The following PARD3 variants were observed in gnomAD, a reference collection of about 807,000 sequenced individuals.
The protein encoded by PARD3 is par-3 family cell polarity regulator.
In PARD3, 75 loss-of-function variants were observed where a neutral mutation model predicts 155.4. The observed-to-expected ratio is 0.48, with a 90% CI of 0.40 to 0.58. The LOEUF (loss-of-function observed/expected upper bound fraction) is 0.58, where lower values mean the gene tolerates loss of function less well. PARD3 is among the 20% of genes least tolerant of loss of function. The pLI, the probability that PARD3 is intolerant of heterozygous loss-of-function variation, is 0.00. For missense variants in PARD3, 1,642 were observed against 1,721.7 expected (o/e 0.95, Z 0.82); for synonymous variants, 576 against 610.5 (o/e 0.94, Z 0.83).
chr10:34,417,003 T>C (rs980343621), intron 5 of PARD3, among the ~76,000 whole-genome samples: 3 of 152,162 alleles, frequency 2.0e-5, no homozygotes, highest in African/African-American at 7.2e-5. Flanking sequence ...AGGGGACCCC[T>C]TACTCATAAC....
intron 22 of PARD3, among the ~76,000 whole-genome samples, chr10:34,187,634 A>G (rs1033445085): frequency 6.6e-6 from 1 of 152,246 alleles, no homozygotes; most frequent in Admixed American, 6.5e-5. Context: ...AGCCCCTAAA[A>G]TGTTTTACAC....
intron 19 of PARD3, among the ~76,000 whole-genome samples, chr10:34,324,788 T>G (rs1958585317): frequency 6.6e-6 from 1 of 152,136 alleles, no homozygotes; most frequent in Non-Finnish European, 1.5e-5. Flanking sequence ...ATCATCCATC[T>G]TTGTGTGAGA....
chr10:34,444,547 A>G (rs1039459265), intron 5 of PARD3, among the ~76,000 whole-genome samples: 1 of 152,206 alleles, frequency 6.6e-6, no homozygotes, highest in African/African-American at 2.4e-5. Context: ...TTTCAGAAGC[A>G]TAACTTGTGA....
chr10:34,461,079 G>A (rs1442569702), intron 4 of PARD3, among the ~76,000 whole-genome samples: 2 of 152,060 alleles, frequency 1.3e-5, no homozygotes, highest in Admixed American at 6.6e-5. Context: ...AACACTGACT[G>A]GAACACATTT....
At chr10:34,314,160 T>A (rs1957859003) in intron 20 of PARD3, among the ~76,000 whole-genome samples, 1 of 151,678 alleles carries the variant, frequency 6.6e-6, no homozygotes. Flanking sequence ...GACCAATTTT[T>A]AAATCTTACT....
rs189208463 is a variant in PARD3 at position 34,788,144 on chromosome 10, C to T, written c.120+26732G>A. On this transcript the variant is annotated intron_variant, in intron 1 of 24. Coordinates refer to ENST00000374788, the MANE Select transcript of PARD3 (RefSeq NM_001184785.2). ...CTCATGCAAGGGTCTTACAAGACCA[C>T]GTGGACAGATAGGAAGTTATCTAGA... Among the ~76,000 whole-genome samples, 3 of 152,036 alleles carry T rather than the reference C, an allele frequency of 2.0e-5. No homozygotes were observed. In the East Asian group the frequency reaches 5.8e-4, roughly 29 times the overall value.
At position 34,119,667 on chromosome 10, in the gene PARD3, T is replaced by C. The variant is rs559895727; in HGVS notation, c.3614A>G (p.Gln1205Arg). Residue 1205 changes from glutamine to arginine, a missense_variant, in exon 24 of 25, where the codon CAG becomes CGG. Physicochemically the swap from Gln to Arg is conservative, Grantham distance 43 (BLOSUM62 1). Coordinates refer to ENST00000374788, the MANE Select transcript of PARD3 (RefSeq NM_001184785.2). Reference protein sequence around the residue: ...SVEVQMQRQRQEERESSQQAQ... With the variant: ...SVEVQMQRQRREERESSQQAQ... ...CTGCTGGGAGCTCTCGCGCTCCTCC[T>C]GCCGCTGCCGCTGCATCTGCACCTC... The C allele has an allele frequency of 6.2e-7, 1 of 1,612,034 alleles. No homozygotes were observed.
intron 24 of PARD3, among the ~76,000 whole-genome samples, chr10:34,112,835 T>C (rs1002310842): frequency 3.3e-5 from 5 of 152,240 alleles, no homozygotes; most frequent in Non-Finnish European, 7.3e-5. Context: ...ATGACCATAA[T>C]GTCCAGCATC....
intron 2 of PARD3, among the ~76,000 whole-genome samples, chr10:34,673,687 A>G (rs1232454192): frequency 6.6e-6 from 1 of 152,202 alleles, no homozygotes; most frequent in Non-Finnish European, 1.5e-5. Context: ...GTATCCACAC[A>G]TATATATTCT....
chr10:34,458,189 ATTTTG>A (rs1401396900), intron 4 of PARD3, among the ~76,000 whole-genome samples: 7 of 151,942 alleles, frequency 4.6e-5, no homozygotes, highest in African/African-American at 1.5e-4. Flanking sequence ...TAATTTTTTA[ATTTTG>A]TTTTAATTTT....
intron 23 of PARD3, among the ~76,000 whole-genome samples, chr10:34,127,565 A>G (rs1947354646): frequency 1.3e-5 from 2 of 152,320 alleles, no homozygotes; most frequent in East Asian, 1.9e-4. Flanking sequence ...CCTGGGACAT[A>G]GTAAGAACTC....
intron 22 of PARD3, among the ~76,000 whole-genome samples, chr10:34,141,863 A>G (rs1948205067): frequency 1.3e-5 from 2 of 152,318 alleles, no homozygotes; most frequent in East Asian, 1.9e-4. Context: ...AAAATGATCC[A>G]AGCTGGTCTC....
intron 20 of PARD3, among the ~76,000 whole-genome samples, chr10:34,290,301 T>G (rs1589070847): frequency 6.6e-6 from 1 of 152,320 alleles, no homozygotes; most frequent in East Asian, 1.9e-4. Context: ...GAACAGAATA[T>G]CCGGAACCAA....
chr10:34,807,690 GTATA>G (rs1026647407), intron 1 of PARD3, among the ~76,000 whole-genome samples: 1 of 65,736 alleles, frequency 1.5e-5, no homozygotes, highest in Non-Finnish European at 2.6e-5. Flanking sequence ...GTGTGTGTGT[GTATA>G]TATATAAAGA....
chr10:34,402,311 G>GC (rs1843971319), intron 5 of PARD3, among the ~76,000 whole-genome samples: 3 of 152,064 alleles, frequency 2.0e-5, no homozygotes, highest in Admixed American at 2.0e-4. Flanking sequence ...CATTGGAAAT[G>GC]CATGTCTGAA....
chr10:34,676,185 A>G (rs2093702397), intron 2 of PARD3: 1 of 152,080 alleles, frequency 6.6e-6, no homozygotes, highest in South Asian at 2.1e-4. Context: ...TTCCAACTAC[A>G]TCTCCCTCCC....
chr10:34,603,271 A>T (rs1332318273), intron 2 of PARD3, among the ~76,000 whole-genome samples: 1 of 152,202 alleles, frequency 6.6e-6, no homozygotes, highest in Non-Finnish European at 1.5e-5. Context: ...GGTGCTCCGC[A>T]GCTCTGGTGT....
At chr10:34,356,032 G>A (rs946691165) in intron 14 of PARD3, among the ~76,000 whole-genome samples, 22 of 151,532 alleles carry the variant, frequency 1.5e-4, no homozygotes, top group Non-Finnish European at 1.5e-5. Flanking sequence ...CAGAAAAGAG[G>A]AACCCTTAGA....
At chr10:34,426,467 T>C (rs188801908) in intron 5 of PARD3, among the ~76,000 whole-genome samples, 302 of 152,262 alleles carry the variant, frequency 2.0e-3, no homozygotes, top group African/African-American at 6.8e-3. Flanking sequence ...AGAAAAGAGA[T>C]AAGGAAAAGA....
Sources: allele counts gnomAD v4.1 joint callset (sites outside exome capture counted in the v4.1 genomes callset), GRCh38; gene constraint gnomAD v4.1.1; transcripts MANE v1.5; gene names NCBI Gene and HGNC (gene_info 2026-07-23, HGNC 2026-07-21).